H1-8: variants seen among roughly 807,000 people sequenced by gnomAD.
The protein encoded by H1-8 is histone H1.8.
Under a neutral mutation model 19.5 loss-of-function variants are expected in H1-8, and 13 were observed. The ratio of observed to expected loss-of-function variants is 0.67; its 90% CI spans 0.43 to 1.06. The LOEUF is 1.06. Among genes scored for constraint, H1-8 ranks in the 50% least tolerant of loss-of-function variants. The pLI is 0.00. For missense variants in H1-8, 432 were observed against 459.8 expected (o/e 0.94, Z 0.55); for synonymous variants, 193 against 187.6 (o/e 1.03, Z -0.24).
rs759747643 is a variant in H1-8 at position 129,551,299 on chromosome 3, G to C, written c.1000G>C (p.Ala334Pro). Residue 334 changes from alanine (A) to proline (P), a missense_variant, in exon 5 of 5, where the codon GCC becomes CCC. Ala to Pro is a conservative substitution (Grantham distance 27). Transcript: ENST00000324382. ...TAGAAAGGCTGGGCTGCCCATCAAGGCCTCATCATCCAAAGTGTCCAGCCA... is the reference window on the plus strand; with the variant it reads ...TAGAAAGGCTGGGCTGCCCATCAAGCCCTCATCATCCAAAGTGTCCAGCCA... ...GPRKAGLPIK[A>P]SSSKVSSQRA... is the part of the protein sequence containing the mutation. 3.1e-6 allele frequency: 5 copies of C among 1,613,816 alleles called. No individual in the cohort carries two copies. The highest frequency in any genetic ancestry group is 2.2e-5 in the East Asian group (1 of 44,902).
chr3:129,543,683 T>C (rs1401408791), intron 1 of H1-8, among the ~76,000 whole-genome samples: 8 of 152,162 alleles, frequency 5.3e-5, no homozygotes, highest in African/African-American at 1.9e-4. Context: ...TATGCAGGGC[T>C]AGGCATTCCG....
At chr3:129,550,005 AG>A (rs1275818920) in intron 3 of H1-8, among the ~76,000 whole-genome samples, 1 of 152,186 alleles carries the variant, frequency 6.6e-6, no homozygotes, top group Non-Finnish European at 1.5e-5. Flanking sequence ...CATGTAATTC[AG>A]TCTACCTACA....
intron 1 of H1-8, among the ~76,000 whole-genome samples, chr3:129,544,619 A>G (rs903570575): frequency 1.3e-5 from 2 of 151,914 alleles, no homozygotes; most frequent in Non-Finnish European, 2.9e-5. Context: ...GCAGGCATGG[A>G]ATAGCTGCCG....
intron 1 of H1-8, among the ~76,000 whole-genome samples, chr3:129,544,171 C>T (rs60263505): frequency 0.099 from 15,114 of 152,020 alleles, 1,972 homozygotes; most frequent in East Asian, 0.56. Context: ...GAGGCCAGCG[C>T]ACCAGCAGCT....
chr3:129,545,243 G>T (rs897763756), intron 1 of H1-8, among the ~76,000 whole-genome samples: 2 of 151,720 alleles, frequency 1.3e-5, no homozygotes, highest in African/African-American at 4.8e-5. Flanking sequence ...AAAGATTTTC[G>T]TAGAGTCGAG....
chr3:129,550,946 C>T (rs985814252), intron 4 of H1-8, 137 bp downstream of exon 4: 32 of 966,760 alleles, frequency 3.3e-5, no homozygotes, highest in Middle Eastern at 6.4e-4. Context: ...CAGTCCACCA[C>T]CTTCTCTCTG....
chr3:129,549,232 G>A lies in H1-8; in HGVS notation c.610G>A (p.Ala204Thr). ...GAAGGCTCGCAAGCAAGGCGGCGCGGCCAAGGACACCAGGGCACAGTCGGG... is the reference window on the plus strand; with the variant it reads ...GAAGGCTCGCAAGCAAGGCGGCGCGACCAAGGACACCAGGGCACAGTCGGG... Reference protein sequence around the residue: ...TEKARKQGGAAKDTRAQSGEA... With the variant: ...TEKARKQGGATKDTRAQSGEA... The change falls in exon 3 of 5, where the codon GCC becomes ACC. Residue 204 changes from alanine to threonine, a missense_variant. Physicochemically the swap from Ala to Thr is moderately conservative, Grantham distance 58 (BLOSUM62 0). Transcript: ENST00000324382. The A allele has an allele frequency of 6.3e-7, 1 of 1,584,904 alleles. No homozygotes were observed. The highest frequency in any genetic ancestry group is 8.6e-7 in the Non-Finnish European group (1 of 1,166,078).
At position 129,547,591 on chromosome 3, in the gene H1-8, C is replaced by A; in HGVS notation, c.289C>A (p.Leu97Met). The change falls in exon 2 of 5, where the codon CTG becomes ATG. Residue 97 changes from leucine to methionine, a missense_variant. By Grantham distance (15) the Leu-to-Met change is conservative (BLOSUM62 2). Transcript: ENST00000324382. The part of the protein sequence containing the change: ...TVDVLRFKYL[L>M]KQALATGMRR... ...GGACGTCCTCCGCTTCAAGTACCTG[C>A]TGAAGCAGGCGCTGGCCACTGGCAT... 6.4e-7 allele frequency: 1 copy of A among 1,557,786 alleles called. No homozygotes were observed. Among genetic ancestry groups the A allele is most frequent in the Non-Finnish European group, 8.7e-7 (1 of 1,151,104 alleles).
At position 129,545,360 on chromosome 3, in the gene H1-8, T is replaced by G. The variant is rs115781419; in HGVS notation, c.89-2031T>G. On this transcript the variant is annotated intron_variant, in intron 1 of 4. Coordinates refer to ENST00000324382, the MANE Select transcript of H1-8 (RefSeq NM_153833.3). Reference sequence around the variant, plus strand: ...ATCCGGTTTCATATTTAAATCCCTTTTATGCATTTCATGGTGACTGACAAC... The same window carrying G: ...ATCCGGTTTCATATTTAAATCCCTTGTATGCATTTCATGGTGACTGACAAC... 2.3e-3 allele frequency among the ~76,000 whole-genome samples: 355 copies of G among 152,300 alleles called. 1 individual carries two copies. Among genetic ancestry groups the G allele is most frequent in the African/African-American group, 8.1e-3 (338 of 41,562 alleles).
rs1307504091 is a variant in H1-8 at position 129,549,117 on chromosome 3, G to C, written c.495G>C (p.Glu165Asp). The change falls in exon 3 of 5, where the codon GAG becomes GAC. Residue 165 changes from glutamate to aspartate, a missense_variant. Physicochemically the swap from Glu to Asp is conservative, Grantham distance 45. Coordinates refer to ENST00000324382, the MANE Select transcript of H1-8 (RefSeq NM_153833.3). ...KGPKKPSEAKEDPPNVGKVKK... is the reference protein window; with the variant it reads ...KGPKKPSEAKDDPPNVGKVKK... ...CCAAGAAACCAAGTGAGGCCAAGGA[G>C]GACCCTCCCAACGTGGGCAAGGTGA... 1.9e-6 allele frequency: 3 copies of C among 1,594,246 alleles called. No homozygotes were observed. The highest frequency in any genetic ancestry group is 1.3e-5 in the African/African-American group (1 of 74,432).
At position 129,547,491 on chromosome 3, in the gene H1-8, G is replaced by A. The variant is rs2084898005; in HGVS notation, c.189G>A (p.Leu63=). The A allele has an allele frequency of 1.9e-6, 3 of 1,560,100 alleles. No individual in the cohort carries two copies. In the South Asian group the frequency reaches 3.5e-5, roughly 18 times the overall value. The change falls in exon 2 of 5, where the codon CTG becomes CTA. Residue 63 remains leucine, a synonymous_variant. Transcript: ENST00000324382. ...PPVLRMVLEA[L]QAGEQRRGTS... ...TGCTACGCATGGTGCTGGAGGCGCT[G>A]CAGGCTGGGGAGCAGCGCCGGGGCA...
At chr3:129,546,156 AATG>A (rs34356084) in intron 1 of H1-8, among the ~76,000 whole-genome samples, 1,554 of 138,700 alleles carry the variant, frequency 0.011, 48 homozygotes, top group Admixed American at 0.052. Context: ...TAATAATAAT[AATG>A]ATAATAATAC....
In H1-8 at chr3:129,551,080, C is replaced by T; in HGVS notation, c.808-27C>T. 6.3e-6 allele frequency: 10 copies of T among 1,596,556 alleles called. No individual in the cohort carries two copies. The African/African-American group carries it at 6.7e-5, about 11-fold the overall frequency. ...GGATTTCAGCCCTTCCCAGCTGTCT[C>T]TTTGCTCCTGGTTTGCTTTCGTATA... On this transcript the variant is annotated intron_variant, in intron 4 of 4. Coordinates refer to ENST00000324382, the MANE Select transcript of H1-8 (RefSeq NM_153833.3).
intron 1 of H1-8, among the ~76,000 whole-genome samples, chr3:129,544,172 A>G (rs1872110): frequency 0.38 from 58,279 of 151,976 alleles, 17,317 homozygotes; most frequent in African/African-American, 0.81. Flanking sequence ...AGGCCAGCGC[A>G]CCAGCAGCTT....
At chr3:129,549,437 C>T in intron 3 of H1-8, 73 bp downstream of exon 3, 1 of 1,492,722 alleles carries the variant, frequency 6.7e-7, no homozygotes, top group Non-Finnish European at 8.9e-7. Context: ...GGCGGGGAGC[C>T]AGCTCTGGAG....
chr3:129,551,030 G>A, intron 4 of H1-8, 77 bp from the exon 5 acceptor site: 1 of 1,319,020 alleles, frequency 7.6e-7, no homozygotes. Context: ...GGGCGATGTT[G>A]TGTACCCAGA....
At chr3:129,545,953 G>C (rs1042135952) in intron 1 of H1-8, among the ~76,000 whole-genome samples, 1 of 152,002 alleles carries the variant, frequency 6.6e-6, no homozygotes, top group African/African-American at 2.4e-5. Context: ...ATATACCGAA[G>C]AGTGGAATTT....
chr3:129,544,985 G>T (rs573005660), intron 1 of H1-8, among the ~76,000 whole-genome samples: 12 of 151,526 alleles, frequency 7.9e-5, no homozygotes, highest in Non-Finnish European at 1.8e-4. Context: ...AAGTGATTAG[G>T]TCTCTTTATA....
In H1-8 at chr3:129,551,146, G is replaced by T. The variant is rs1461113646; in HGVS notation, c.847G>T (p.Val283Leu). The T allele has an allele frequency of 1.9e-6, 3 of 1,614,040 alleles. No homozygotes were observed. In the African/African-American group the frequency reaches 4.0e-5, roughly 22 times the overall value. The change falls in exon 5 of 5, where the codon GTG becomes TTG. Residue 283 changes from valine (V) to leucine (L), a missense_variant. Transcript: ENST00000324382. ...GAASPTKKKVVAKAKAPKAGQ... is the reference protein window; with the variant it reads ...GAASPTKKKVLAKAKAPKAGQ... ...TGCTTCCCCGACCAAAAAGAAGGTG[G>T]TGGCCAAGGCCAAGGCCCCTAAAGC...
Sources: allele counts gnomAD v4.1 joint callset (sites outside exome capture counted in the v4.1 genomes callset), GRCh38; gene constraint gnomAD v4.1.1; transcripts MANE v1.5; gene names NCBI Gene and HGNC (gene_info 2026-07-23, HGNC 2026-07-21).